Variants in DKK2 observed in about 807,000 individuals in gnomAD.
The protein encoded by DKK2 is dickkopf-related protein 2.
A neutral mutation model predicts 28.1 loss-of-function variants in DKK2; 11 were observed. The observed-to-expected ratio is 0.39, with a 90% confidence interval of 0.25 to 0.65. DKK2 has a LOEUF of 0.65. Ranked by LOEUF, DKK2 falls within the 30% of genes least tolerant of loss-of-function variation. The pLI is 0.47. For missense variants in DKK2, 326 were observed against 335.5 expected (o/e 0.97, Z 0.22); for synonymous variants, 135 against 126.5 (o/e 1.07, Z -0.45).
intron 1 of DKK2, among the ~76,000 whole-genome samples, chr4:106,957,870 T>A (rs934544637): frequency 6.7e-6 from 1 of 149,856 alleles, no homozygotes; most frequent in African/African-American, 2.5e-5. Context: ...AACCTGCACA[T>A]TGTGCACATG....
At chr4:106,995,858 G>T (rs555837973) in intron 1 of DKK2, among the ~76,000 whole-genome samples, 1 of 152,106 alleles carries the variant, frequency 6.6e-6, no homozygotes, top group Non-Finnish European at 1.5e-5. Context: ...TGATCCACCC[G>T]CTTCTGCCTC....
At chr4:106,926,760 G>A (rs1724431299) in intron 1 of DKK2, among the ~76,000 whole-genome samples, 1 of 152,080 alleles carries the variant, frequency 6.6e-6, no homozygotes, top group Non-Finnish European at 1.5e-5. Flanking sequence ...CTTCAGCAGT[G>A]TCATATATTA....
chr4:106,998,776 A>G (rs1723313314), intron 1 of DKK2, among the ~76,000 whole-genome samples: 1 of 152,204 alleles, frequency 6.6e-6, no homozygotes, highest in Non-Finnish European at 1.5e-5. Context: ...TAGAAAAAAT[A>G]AAAGAGTACC....
At chr4:107,020,765 TTG>T (rs138742050) in intron 1 of DKK2, among the ~76,000 whole-genome samples, 3 of 151,462 alleles carry the variant, frequency 2.0e-5, no homozygotes, top group East Asian at 1.9e-4. Context: ...TTGACAGGCT[TTG>T]TGTGTGTGTG....
chr4:107,028,694 C>T (rs918250335), intron 1 of DKK2, among the ~76,000 whole-genome samples: 1 of 152,058 alleles, frequency 6.6e-6, no homozygotes, highest in Non-Finnish European at 1.5e-5. Flanking sequence ...ATTATCTGAA[C>T]GGCAGCTAGA....
chr4:106,999,523 T>G (rs1723326809), intron 1 of DKK2, among the ~76,000 whole-genome samples: 1 of 152,018 alleles, frequency 6.6e-6, no homozygotes, highest in African/African-American at 2.4e-5. Context: ...ATTTTTGTAT[T>G]TTTAGTAGAA....
At chr4:106,939,516 G>T (rs1724657244) in intron 1 of DKK2, among the ~76,000 whole-genome samples, 1 of 152,194 alleles carries the variant, frequency 6.6e-6, no homozygotes, top group Non-Finnish European at 1.5e-5. Context: ...TCAATATCAT[G>T]AAAATGGCCA....
chr4:107,017,136 C>T (rs750220292), intron 1 of DKK2, among the ~76,000 whole-genome samples: 1 of 151,914 alleles, frequency 6.6e-6, no homozygotes, highest in Non-Finnish European at 1.5e-5. Context: ...TTCTCTATTT[C>T]CCTAAGTATT....
At chr4:107,033,883 A>G (rs1317537692) in intron 1 of DKK2, among the ~76,000 whole-genome samples, 2 of 152,204 alleles carry the variant, frequency 1.3e-5, no homozygotes, top group African/African-American at 2.4e-5. Context: ...AGAAAAAGCG[A>G]AGGAAAGTGG....
intron 1 of DKK2, among the ~76,000 whole-genome samples, chr4:106,980,298 T>G (rs1026360689): frequency 6.6e-6 from 1 of 152,120 alleles, no homozygotes; most frequent in Non-Finnish European, 1.5e-5. Context: ...TATCTATAGA[T>G]ATCTATGTGT....
At chr4:106,939,793 G>A (rs1193694085) in intron 1 of DKK2, among the ~76,000 whole-genome samples, 1 of 152,174 alleles carries the variant, frequency 6.6e-6, no homozygotes, top group Non-Finnish European at 1.5e-5. Flanking sequence ...AGAGCCCTCA[G>A]AAATAATGCT....
intron 1 of DKK2, among the ~76,000 whole-genome samples, chr4:106,994,467 C>G (rs1056825531): frequency 6.9e-6 from 1 of 145,970 alleles, no homozygotes; most frequent in Admixed American, 6.9e-5. Context: ...CTCTCTTTCT[C>G]TCTCTCACAC....
intron 1 of DKK2, among the ~76,000 whole-genome samples, chr4:106,958,505 C>G (rs1417502941): frequency 1.3e-5 from 2 of 151,826 alleles, no homozygotes; most frequent in African/African-American, 4.8e-5. Context: ...GGGGGCATGC[C>G]AAGCAGTATT....
intron 1 of DKK2, among the ~76,000 whole-genome samples, chr4:106,927,077 A>G (rs1724435872): frequency 6.6e-6 from 1 of 152,208 alleles, no homozygotes; most frequent in Non-Finnish European, 1.5e-5. Context: ...AAAATACAAA[A>G]TATAAAATAA....
intron 1 of DKK2, among the ~76,000 whole-genome samples, chr4:106,983,349 A>AAAGAAAGAAAG (rs1271649643): frequency 7.2e-6 from 1 of 139,440 alleles, no homozygotes; most frequent in African/African-American, 2.6e-5. Flanking sequence ...AGAAAGAAAG[A>AAAGAAAGAAAG]AAGAAAGAAA....
intron 1 of DKK2, among the ~76,000 whole-genome samples, chr4:107,024,894 C>G (rs899890000): frequency 1.3e-5 from 2 of 152,214 alleles, no homozygotes; most frequent in Non-Finnish European, 2.9e-5. Context: ...CCACCTTCAA[C>G]AGTATGTTCT....
chr4:106,935,207 G>T (rs1724562529), intron 1 of DKK2, among the ~76,000 whole-genome samples: 1 of 152,170 alleles, frequency 6.6e-6, no homozygotes, highest in Admixed American at 6.5e-5. Flanking sequence ...GAGGTACCGG[G>T]TTCATCTCAC....
rs999937650 is a variant in DKK2, at chr4:107,017,309, T to G, written c.222+18061A>C. 5.9e-5 allele frequency among the ~76,000 whole-genome samples: 9 copies of G among 152,178 alleles called. 1 individual carries two copies. The highest frequency in any genetic ancestry group is 5.9e-4 in the Admixed American group (9 of 15,268). ...TCTTAATGCAATGGGATAAAATCCC[T>G]TCTGGATAATAATTTTTTAGTTTCC... On this transcript the variant is annotated intron_variant, in intron 1 of 3. Coordinates refer to ENST00000285311, the MANE Select transcript of DKK2 (RefSeq NM_014421.3).
At position 106,949,971 on chromosome 4, in the gene DKK2, A is replaced by T. The variant is rs140540109; in HGVS notation, c.223-24022T>A. On this transcript the variant is annotated intron_variant, in intron 1 of 3. Transcript: ENST00000285311. ...GAATATTGACTGTTTCCTCTGTGCC[A>T]TGCTCTATGTTAAGAGCTTTACAGG... 2.8e-4 allele frequency among the ~76,000 whole-genome samples: 42 copies of T among 152,290 alleles called. No individual in the cohort carries two copies. The East Asian group carries it at 7.5e-3, about 27-fold the overall frequency.
Sources: gnomAD v4.1 joint callset for allele counts (sites outside exome capture counted in the v4.1 genomes callset) on GRCh38, gnomAD v4.1.1 for gene constraint, MANE v1.5 for transcripts, NCBI Gene and HGNC (gene_info 2026-07-23, HGNC 2026-07-21) for gene names.